PLPP1: variants seen among roughly 807,000 people sequenced by gnomAD.
PLPP1 encodes lipid phosphate phosphohydrolase 1a.
PLPP1 carries 24 observed loss-of-function variants against 31.2 expected under a neutral mutation model. The observed-to-expected ratio is 0.77, with a 90% CI of 0.56 to 1.08. The LOEUF is 1.08. Ranked by LOEUF, PLPP1 falls within the 50% of genes least tolerant of loss-of-function variation. PLPP1 has a pLI of 0.00. For synonymous variants in PLPP1, 146 were observed against 126.3 expected, an observed-to-expected ratio of 1.16 and a Z score of -1.05; for missense variants, 319 against 342.7, an observed-to-expected ratio of 0.93 and a Z score of 0.55.
intron 1 of PLPP1, among the ~76,000 whole-genome samples, chr5:55,522,600 G>T (rs1188920693): frequency 1.3e-5 from 2 of 152,036 alleles, no homozygotes; most frequent in Non-Finnish European, 2.9e-5. Flanking sequence ...TACTCAAAAT[G>T]GTAAGCAGAA....
At chr5:55,443,192 A>AAAATATATATATATATATATATAT in intron 3 of PLPP1, among the ~76,000 whole-genome samples, 2 of 25,418 alleles carry the variant, frequency 7.9e-5, no homozygotes, top group African/African-American at 1.1e-4. Flanking sequence ...AAAAAAAAAA[A>AAAATATATATATATATATATATAT]ATATATATAT....
chr5:55,491,240 A>ATAC (rs1752882232), intron 1 of PLPP1: 2 of 938,538 alleles, frequency 2.1e-6, no homozygotes, highest in Non-Finnish European at 3.1e-6. Context: ...GATCTCCATT[A>ATAC]TACCCAAGGG....
chr5:55,443,234 C>CACACACACAT (rs1321515341), intron 3 of PLPP1, among the ~76,000 whole-genome samples: 15 of 124,890 alleles, frequency 1.2e-4, no homozygotes, highest in African/African-American at 4.5e-4. Flanking sequence ...CACACACACA[C>CACACACACAT]ATATATATGA....
chr5:55,501,304 ACTCCGT>A (rs1451310698), intron 1 of PLPP1, among the ~76,000 whole-genome samples: 3 of 151,862 alleles, frequency 2.0e-5, no homozygotes, highest in Admixed American at 6.6e-5. Context: ...CAAAAGCAAG[ACTCCGT>A]CTCAAAAAAA....
intron 1 of PLPP1, among the ~76,000 whole-genome samples, chr5:55,495,060 G>T (rs901050362): frequency 2.0e-5 from 3 of 151,154 alleles, no homozygotes; most frequent in Admixed American, 1.3e-4. Flanking sequence ...GAACCCGGGA[G>T]GCAGAGGTTG....
intron 1 of PLPP1, among the ~76,000 whole-genome samples, chr5:55,521,257 G>A (rs564090748): frequency 6.6e-6 from 1 of 152,180 alleles, no homozygotes; most frequent in African/African-American, 2.4e-5. Flanking sequence ...GGAGGCTGAG[G>A]CAGGAAGATC....
intron 1 of PLPP1, among the ~76,000 whole-genome samples, chr5:55,480,843 A>T (rs1244091034): frequency 6.6e-6 from 1 of 152,190 alleles, no homozygotes; most frequent in Non-Finnish European, 1.5e-5. Context: ...TTGATGCTTA[A>T]CTTTTTAAGA....
chr5:55,491,971 C>T (rs1752902799), intron 1 of PLPP1, among the ~76,000 whole-genome samples: 2 of 60,340 alleles, frequency 3.3e-5, no homozygotes, highest in South Asian at 1.3e-3. Flanking sequence ...TTTTGTTTTC[C>T]AAAGACAAAC....
chr5:55,511,210 GAA>G, intron 1 of PLPP1, among the ~76,000 whole-genome samples: 1 of 152,144 alleles, frequency 6.6e-6, no homozygotes, highest in Non-Finnish European at 1.5e-5. Context: ...GGAGTTACTG[GAA>G]AAGAGAGAGA....
At chr5:55,427,706 A>G (rs971025454) in intron 4 of PLPP1, among the ~76,000 whole-genome samples, 2 of 151,076 alleles carry the variant, frequency 1.3e-5, no homozygotes, top group African/African-American at 2.4e-5. Flanking sequence ...TTTCTTCCCC[A>G]ACATGCCAGT....
Position 55,425,264 on chromosome 5 carries a change from G to A in PLPP1, c.797C>T (p.Thr266Ile). The A allele has an allele frequency of 6.2e-7, 1 of 1,613,292 alleles. No individual in the cohort carries two copies. The highest frequency in any genetic ancestry group is 8.5e-7 in the Non-Finnish European group (1 of 1,179,378). The change falls in exon 6 of 6, where the codon ACA becomes ATA. Residue 266 changes from threonine to isoleucine, a missense_variant. Thr to Ile is a moderately conservative substitution (Grantham distance 89). Transcript: ENST00000307259. Reference protein sequence around the residue: ...FKERKEEDSHTTLHETPTTGN... With the variant: ...FKERKEEDSHITLHETPTTGN... ...AGTTGTTGGTGTTTCATGCAGAGTTGTATGAGAGTCCTCCTCTTTTCTTTC... is the reference window on the plus strand; with the variant it reads ...AGTTGTTGGTGTTTCATGCAGAGTTATATGAGAGTCCTCCTCTTTTCTTTC...
rs71600887 is a variant in PLPP1, at chr5:55,513,268, C to CTTTTTT, written c.58+21298_58+21303dup. The stretch of plus-strand genomic sequence containing the variant: ...TATAGTATTACTACTATAATGACTC[C>CTTTTTT]TTTTTTTTTAAGACAGAGTCTTGCT... On this transcript the variant is annotated intron_variant, in intron 1 of 5. Coordinates refer to ENST00000307259, the MANE Select transcript of PLPP1 (RefSeq NM_003711.4). Among the ~76,000 whole-genome samples the CTTTTTT allele has an allele frequency of 1.1e-4, 13 of 117,566 alleles. 6 individuals are homozygous for CTTTTTT. The highest frequency in any genetic ancestry group is 2.3e-4 in the East Asian group (1 of 4,284). 77.1% of individuals were successfully genotyped at this position (117,566 alleles called of 152,430 possible).
In PLPP1 at chr5:55,425,058, TAC is replaced by T. The variant is rs1751135426; in HGVS notation, c.*146_*147del. ...AACCACTGAGTTAAAGGTAACTATG[TAC>T]ACACAAAGTGTGCATCCAAGAGGCA... is the stretch of plus-strand genomic sequence containing the variant. On this transcript the variant is annotated 3_prime_UTR_variant, in exon 6 of 6. Transcript: ENST00000307259. 1 of 1,087,704 alleles carries T rather than the reference TAC, an allele frequency of 9.2e-7. No homozygotes were observed. Among genetic ancestry groups the T allele is most frequent in the African/African-American group, 1.6e-5 (1 of 63,492 alleles). The allele number at this position is 1,087,704 out of a possible 1,614,324, so 67.4% of individuals were successfully genotyped here.
chr5:55,465,460 C>T (rs375265753), intron 3 of PLPP1, among the ~76,000 whole-genome samples: 146 of 152,230 alleles, frequency 9.6e-4, no homozygotes, highest in Admixed American at 1.9e-3. Flanking sequence ...TCTATTAAAT[C>T]GGGGCGTCCA....
At chr5:55,435,712 T>TA (rs966248616) in intron 4 of PLPP1, among the ~76,000 whole-genome samples, 12 of 152,080 alleles carry the variant, frequency 7.9e-5, no homozygotes, top group Admixed American at 6.5e-4. Context: ...AAAACAAAGA[T>TA]ACATCATATT....
At chr5:55,432,114 T>C (rs1751372485) in intron 4 of PLPP1, among the ~76,000 whole-genome samples, 1 of 104,218 alleles carries the variant, frequency 9.6e-6, no homozygotes, top group African/African-American at 3.4e-5. Context: ...TTTTTTTTTT[T>C]TTTTTTTTTG....
intron 1 of PLPP1, among the ~76,000 whole-genome samples, chr5:55,519,777 T>C (rs1373008821): frequency 6.6e-6 from 1 of 151,214 alleles, no homozygotes; most frequent in East Asian, 1.9e-4. Context: ...GAAAAAAGTA[T>C]AAAAGTATGA....
rs1751132438 is a variant in PLPP1 at position 55,424,981 on chromosome 5, CTG to C, written c.*223_*224del. ...AATAAAAATGTATACAGGTGGGGCA[CTG>C]TTTTGGTGGAAGGCTTGGAGTTTTT... On this transcript the variant is annotated 3_prime_UTR_variant, in exon 6 of 6. Transcript: ENST00000307259. 4 of 660,806 alleles carry C rather than the reference CTG, an allele frequency of 6.1e-6. No homozygotes were observed. Among genetic ancestry groups the C allele is most frequent in the Non-Finnish European group, 7.5e-6 (3 of 399,736 alleles). 40.9% of individuals were successfully genotyped at this position (660,806 alleles called of 1,614,324 possible). A position where few individuals can be genotyped will look rare whatever the true frequency, so the allele number is the denominator to read the frequency against.
At chr5:55,514,302 A>C (rs1197507378) in intron 1 of PLPP1, among the ~76,000 whole-genome samples, 1 of 151,902 alleles carries the variant, frequency 6.6e-6, no homozygotes, top group African/African-American at 2.4e-5. Flanking sequence ...GGAGGATCAA[A>C]TTGAGCCCTG....
Sources: gnomAD v4.1 joint callset for allele counts (sites outside exome capture counted in the v4.1 genomes callset) on GRCh38, gnomAD v4.1.1 for gene constraint, MANE v1.5 for transcripts, NCBI Gene and HGNC (gene_info 2026-07-23, HGNC 2026-07-21) for gene names.